Variants in SYN3 observed in about 807,000 individuals in gnomAD.
SYN3 encodes the protein synapsin-3.
A neutral mutation model predicts 65.8 loss-of-function variants in SYN3; 35 were observed. The observed-to-expected ratio is 0.53, with a 90% CI of 0.41 to 0.70. The LOEUF (loss-of-function observed/expected upper bound fraction) is 0.70. Among genes scored for constraint, SYN3 ranks in the 30% least tolerant of loss-of-function variants. The probability of loss-of-function intolerance (pLI) is 0.00; values close to 1 mark genes in which losing one functional copy is unlikely to be tolerated. For synonymous variants in SYN3, 270 were observed against 292.9 expected, an observed-to-expected ratio of 0.92 and a Z score of 0.80; for missense variants, 680 against 749.0, an observed-to-expected ratio of 0.91 and a Z score of 1.08.
chr22:32,569,413 AT>A (rs2058720076), intron 7 of SYN3, among the ~76,000 whole-genome samples: 5 of 138,910 alleles, frequency 3.6e-5, no homozygotes, highest in African/African-American at 1.4e-4. Context: ...CTATCTATCT[AT>A]CTATCTATCT....
At position 32,999,634 on chromosome 22, in the gene SYN3, G is replaced by C. The variant is rs189044323; in HGVS notation, c.311+6718C>G. Among the ~76,000 whole-genome samples, 884 of 152,296 alleles carry C rather than the reference G, an allele frequency of 5.8e-3. 7 individuals are homozygous for C. The highest frequency in any genetic ancestry group is 0.028 in the South Asian group (136 of 4,820). On this transcript the variant is annotated intron_variant, in intron 2 of 13. Transcript: ENST00000358763. ...GGAGGTGGAGGTTGCAGTGAGCTGAGATTGCGCCATTCCACTCCAGCCTAG... is the reference window on the plus strand; with the variant it reads ...GGAGGTGGAGGTTGCAGTGAGCTGACATTGCGCCATTCCACTCCAGCCTAG...
chr22:32,867,795 A>G lies in SYN3; in HGVS notation c.621+1171T>C, dbSNP rs375163181. Among the ~76,000 whole-genome samples, 9 of 152,134 alleles carry G rather than the reference A, an allele frequency of 5.9e-5. No homozygotes were observed. In the East Asian group the frequency reaches 7.7e-4, roughly 13 times the overall value. The stretch of plus-strand genomic sequence containing the variant: ...ACGGGGTTTCACCATGTTGGCCAGC[A>G]TGGTCTCGATCTCTTGATCTCGTGA... On this transcript the variant is annotated intron_variant, in intron 5 of 13. Coordinates refer to ENST00000358763, the MANE Select transcript of SYN3 (RefSeq NM_003490.4).
intron 6 of SYN3, among the ~76,000 whole-genome samples, chr22:32,806,884 T>A (rs1247414132): frequency 6.6e-6 from 1 of 152,044 alleles, no homozygotes; most frequent in Non-Finnish European, 1.5e-5. Flanking sequence ...CTTTTCTTCC[T>A]ATACATTTAC....
intron 10 of SYN3, among the ~76,000 whole-genome samples, chr22:32,530,848 C>CA (rs926244860): frequency 4.0e-5 from 6 of 151,224 alleles, no homozygotes; most frequent in Admixed American, 6.6e-5. Flanking sequence ...ACTAAAAATA[C>CA]AAAAAAAATT....
chr22:32,697,411 T>C (rs539750501), intron 6 of SYN3, among the ~76,000 whole-genome samples: 4 of 152,350 alleles, frequency 2.6e-5, no homozygotes, highest in African/African-American at 9.6e-5. Flanking sequence ...GAGATAATTA[T>C]ATCTATCCTG....
chr22:32,586,073 CATGTATACATGTATAT>C (rs915957499), intron 7 of SYN3, among the ~76,000 whole-genome samples: 30 of 145,414 alleles, frequency 2.1e-4, no homozygotes, highest in Admixed American at 4.8e-4. Context: ...TATATGTATA[CATGTATACATGTATAT>C]ATGTATATAT....
In SYN3 at chr22:32,513,617, AAGGCTG is replaced by A; in HGVS notation, c.*69_*74del. On this transcript the variant is annotated 3_prime_UTR_variant, in exon 14 of 14. Transcript: ENST00000358763. ...CTCCATTCTGTTCCCATCAGGAACC[AAGGCTG>A]AGAAGGAAGATGAGGCAGGAGGGGG... is the stretch of plus-strand genomic sequence containing the variant. 1 of 1,573,036 alleles carries A rather than the reference AAGGCTG, an allele frequency of 6.4e-7. No homozygotes were observed. The highest frequency in any genetic ancestry group is 8.7e-7 in the Non-Finnish European group (1 of 1,155,008).
At chr22:33,045,035 G>T (rs1375966473) in intron 1 of SYN3, among the ~76,000 whole-genome samples, 1 of 152,014 alleles carries the variant, frequency 6.6e-6, no homozygotes, top group Non-Finnish European at 1.5e-5. Flanking sequence ...TAGAGACAGG[G>T]TTTCTCCATG....
intron 1 of SYN3, among the ~76,000 whole-genome samples, chr22:33,024,835 G>A (rs963146737): frequency 2.6e-5 from 4 of 152,322 alleles, no homozygotes; most frequent in Non-Finnish European, 4.4e-5. Context: ...TTGTTAGTTC[G>A]TTGGGGGAGA....
Position 32,980,689 on chromosome 22 carries a change from G to A in SYN3, c.325C>T (p.His109Tyr). The change falls in exon 3 of 14, where the codon CAT becomes TAT. Residue 109 changes from histidine (H) to tyrosine (Y), a missense_variant. By Grantham distance (83) the His-to-Tyr change is moderately conservative. Coordinates refer to ENST00000358763, the MANE Select transcript of SYN3 (RefSeq NM_003490.4). The part of the protein sequence containing the change: ...DAHTDWSKYF[H>Y]GKKVNGEIEI... ...ATCTCTCCATTCACCTTCTTCCCATGGAAATACTTCGACCTGTAAAGGGGA... is the reference window on the plus strand; with the variant it reads ...ATCTCTCCATTCACCTTCTTCCCATAGAAATACTTCGACCTGTAAAGGGGA... 6.2e-7 allele frequency: 1 copy of A among 1,613,886 alleles called. No individual in the cohort carries two copies. Among genetic ancestry groups the A allele is most frequent in the Non-Finnish European group, 8.5e-7 (1 of 1,179,912 alleles).
chr22:32,622,011 T>C (rs2059602281), intron 6 of SYN3, among the ~76,000 whole-genome samples: 1 of 151,748 alleles, frequency 6.6e-6, no homozygotes, highest in Admixed American at 6.6e-5. Flanking sequence ...GGGCACCTCA[T>C]TTCCTCCCCT....
At chr22:32,857,294 A>G in intron 6 of SYN3, 1 of 1,613,990 alleles carries the variant, frequency 6.2e-7, no homozygotes, top group Non-Finnish European at 8.5e-7. Context: ...GTACATCCAT[A>G]CGGAAGCTTC....
At chr22:32,695,576 G>A (rs2060724813) in intron 6 of SYN3, among the ~76,000 whole-genome samples, 1 of 152,160 alleles carries the variant, frequency 6.6e-6, no homozygotes, top group South Asian at 2.1e-4. Flanking sequence ...TCACCAGAAA[G>A]CCCCACAGAT....
At chr22:32,889,002 A>G (rs2049369349) in intron 4 of SYN3, among the ~76,000 whole-genome samples, 1 of 152,196 alleles carries the variant, frequency 6.6e-6, no homozygotes, top group Non-Finnish European at 1.5e-5. Flanking sequence ...CTGGGCCTCA[A>G]AGTAGGGTGA....
At chr22:32,798,685 CTT>C (rs751710119) in intron 6 of SYN3, among the ~76,000 whole-genome samples, 6 of 92,490 alleles carry the variant, frequency 6.5e-5, no homozygotes, top group Admixed American at 2.7e-4. Flanking sequence ...CATCTTCATT[CTT>C]TTTTTTTTTT....
intron 7 of SYN3, among the ~76,000 whole-genome samples, chr22:32,569,537 A>ATCTCTCTC (rs142418236): frequency 1.8e-5 from 2 of 113,506 alleles, no homozygotes; most frequent in African/African-American, 3.0e-5. Flanking sequence ...AAATCAATCA[A>ATCTCTCTC]TCTCTCTCTC....
intron 7 of SYN3, among the ~76,000 whole-genome samples, chr22:32,581,738 A>G (rs1431533682): frequency 1.3e-5 from 2 of 151,754 alleles, no homozygotes; most frequent in African/African-American, 4.8e-5. Flanking sequence ...TGGAGACCCC[A>G]GATAATTGAT....
intron 3 of SYN3, among the ~76,000 whole-genome samples, chr22:32,947,040 A>G (rs2051134452): frequency 6.6e-6 from 1 of 152,174 alleles, no homozygotes; most frequent in South Asian, 2.1e-4. Context: ...ATGTACTTGG[A>G]GGAACGAATA....
At chr22:32,607,746 T>C (rs2059391246) in intron 6 of SYN3, among the ~76,000 whole-genome samples, 1 of 152,242 alleles carries the variant, frequency 6.6e-6, no homozygotes, top group African/African-American at 2.4e-5. Flanking sequence ...ACTGATAGGA[T>C]GGCAATATTT....
Sources: gnomAD v4.1 joint callset for allele counts (sites outside exome capture counted in the v4.1 genomes callset) on GRCh38, gnomAD v4.1.1 for gene constraint, MANE v1.5 for transcripts, NCBI Gene and HGNC (gene_info 2026-07-23, HGNC 2026-07-21) for gene names.